The following PTPRK variants were observed in gnomAD, a reference collection of about 807,000 sequenced individuals.
PTPRK encodes receptor-type tyrosine-protein phosphatase kappa.
Under a neutral mutation model 178.0 loss-of-function variants are expected in PTPRK, and 75 were observed. That is an observed-to-expected ratio of 0.42 (90% CI 0.35 to 0.51). The LOEUF is 0.51. PTPRK is among the 20% of genes least tolerant of loss of function. The pLI is 0.02. For synonymous variants in PTPRK, 637 were observed against 620.6 expected, an observed-to-expected ratio of 1.03 and a Z score of -0.39; for missense variants, 1,441 against 1,797.8, an observed-to-expected ratio of 0.80 and a Z score of 3.59.
At chr6:128,301,378 A>C (rs150313381) in intron 3 of PTPRK, among the ~76,000 whole-genome samples, 51 of 152,254 alleles carry the variant, frequency 3.3e-4, no homozygotes, top group African/African-American at 1.1e-3. Context: ...TCTTTTAAAA[A>C]AAAATAATAG....
intron 1 of PTPRK, among the ~76,000 whole-genome samples, chr6:128,417,149 T>C (rs1158312382): frequency 1.3e-5 from 2 of 151,900 alleles, no homozygotes; most frequent in Admixed American, 6.6e-5. Context: ...CCTTGGAAAG[T>C]AATTCCTTTT....
At chr6:128,032,655 G>A (rs772379524) in intron 13 of PTPRK, among the ~76,000 whole-genome samples, 3 of 152,106 alleles carry the variant, frequency 2.0e-5, no homozygotes, top group Non-Finnish European at 2.9e-5. Context: ...TCTTTAAGAA[G>A]GATGAAAAGA....
At chr6:128,033,942 T>C (rs531520337) in intron 13 of PTPRK, among the ~76,000 whole-genome samples, 1 of 152,234 alleles carries the variant, frequency 6.6e-6, no homozygotes, top group Admixed American at 6.5e-5. Context: ...TTGGGTTTGA[T>C]TAGAGTCCTC....
intron 6 of PTPRK, among the ~76,000 whole-genome samples, chr6:128,209,083 C>T (rs1028309841): frequency 1.3e-5 from 2 of 151,902 alleles, no homozygotes; most frequent in Admixed American, 6.6e-5. Context: ...CATAACCACC[C>T]CCCCCAGGAA....
At chr6:128,005,285 G>A (rs567719175) in intron 14 of PTPRK, 41 bp from the exon 15 acceptor site, 1 of 1,601,384 alleles carries the variant, frequency 6.2e-7, no homozygotes, top group Admixed American at 1.7e-5. Flanking sequence ...AGTGTTTGAG[G>A]CTTGCAGGAG....
At chr6:128,406,104 T>TA (rs1362210658) in intron 1 of PTPRK, among the ~76,000 whole-genome samples, 4 of 150,400 alleles carry the variant, frequency 2.7e-5, no homozygotes, top group Admixed American at 6.6e-5. Flanking sequence ...AAAAAATAAA[T>TA]AAAAAAAAAT....
chr6:128,499,913 G>T (rs1054344934), intron 1 of PTPRK, among the ~76,000 whole-genome samples: 4 of 152,120 alleles, frequency 2.6e-5, no homozygotes, highest in African/African-American at 9.7e-5. Context: ...CCACCAAATG[G>T]GTGGTTACAT....
chr6:128,041,497 T>C (rs1173854520), intron 13 of PTPRK, among the ~76,000 whole-genome samples: 1 of 152,012 alleles, frequency 6.6e-6, no homozygotes, highest in South Asian at 2.1e-4. Context: ...CCAAACTGGA[T>C]TTTAATACTT....
chr6:128,487,961 T>C (rs1853209287), intron 1 of PTPRK, among the ~76,000 whole-genome samples: 1 of 152,112 alleles, frequency 6.6e-6, no homozygotes, highest in Admixed American at 6.5e-5. Context: ...AGGATAGTTG[T>C]ATATGTGAAG....
chr6:128,321,923 G>A (rs1356462858), intron 3 of PTPRK, 116 bp downstream of exon 3: 2 of 1,346,134 alleles, frequency 1.5e-6, no homozygotes, highest in African/African-American at 2.9e-5. Context: ...ATGGGGGTGG[G>A]GGAGGCAAGA....
intron 2 of PTPRK, among the ~76,000 whole-genome samples, chr6:128,331,666 G>A (rs9402034): frequency 0.97 from 147,775 of 152,168 alleles, 71,894 homozygotes; most frequent in East Asian, 1. Flanking sequence ...CTTCTAATGA[G>A]GTCTATCCCC....
At chr6:128,122,258 G>C (rs1001280741) in intron 7 of PTPRK, among the ~76,000 whole-genome samples, 2 of 152,140 alleles carry the variant, frequency 1.3e-5, no homozygotes, top group African/African-American at 4.8e-5. Context: ...CATGTATAGG[G>C]GTGGGGAGGA....
chr6:128,419,653 T>C (rs1843250136), intron 1 of PTPRK, among the ~76,000 whole-genome samples: 2 of 151,626 alleles, frequency 1.3e-5, no homozygotes, highest in Admixed American at 6.6e-5. Flanking sequence ...AGACAGAGAA[T>C]GGAAATTCAA....
chr6:128,338,733 C>G (rs779294581), intron 2 of PTPRK, among the ~76,000 whole-genome samples: 5 of 152,216 alleles, frequency 3.3e-5, no homozygotes, highest in Middle Eastern at 3.4e-3. Flanking sequence ...AATCAATGTT[C>G]TTATAGGTAT....
At chr6:128,368,793 C>T (rs889386526) in intron 2 of PTPRK, among the ~76,000 whole-genome samples, 9 of 152,092 alleles carry the variant, frequency 5.9e-5, no homozygotes, top group African/African-American at 1.9e-4. Flanking sequence ...TAGGTTTCTA[C>T]AGTACTCTCT....
At chr6:128,452,392 G>T (rs1847906007) in intron 1 of PTPRK, among the ~76,000 whole-genome samples, 1 of 152,034 alleles carries the variant, frequency 6.6e-6, no homozygotes, top group African/African-American at 2.4e-5. Flanking sequence ...CCTTCCAAAT[G>T]GGCTTTTAGG....
At chr6:128,030,879 C>T (rs186618261) in intron 13 of PTPRK, among the ~76,000 whole-genome samples, 7 of 152,092 alleles carry the variant, frequency 4.6e-5, no homozygotes, top group Non-Finnish European at 1.0e-4. Context: ...GAAATGGTTA[C>T]GAACATCTGA....
rs1858698777 is a variant in PTPRK at position 128,519,667 on chromosome 6, T to G, written c.100+592A>C. ...GCTCCGCCAACACACACACAGAACATGCTCCAAGCAGTGCCCGAGCGCACA... is the reference window on the plus strand; with the variant it reads ...GCTCCGCCAACACACACACAGAACAGGCTCCAAGCAGTGCCCGAGCGCACA... On this transcript the variant is annotated intron_variant, in intron 1 of 29. Transcript: ENST00000368226. This position sits in a 1 kb window ranked among gnomAD's most constrained non-coding sequence, Gnocchi z 4.3. Among the ~76,000 whole-genome samples, 2 of 152,046 alleles carry G rather than the reference T, an allele frequency of 1.3e-5. No individual in the cohort carries two copies. The highest frequency in any genetic ancestry group is 2.9e-5 in the Non-Finnish European group (2 of 68,018).
intron 2 of PTPRK, among the ~76,000 whole-genome samples, chr6:128,332,865 A>AAC (rs951163835): frequency 5.9e-5 from 9 of 152,270 alleles, no homozygotes; most frequent in African/African-American, 2.2e-4. Flanking sequence ...CACTCCAAGA[A>AAC]ACACACACAC....
Sources: allele counts gnomAD v4.1 joint callset (sites outside exome capture counted in the v4.1 genomes callset), GRCh38; gene constraint gnomAD v4.1.1; non-coding constraint Gnocchi (gnomAD v3.1); transcripts MANE v1.5; gene names NCBI Gene and HGNC (gene_info 2026-07-23, HGNC 2026-07-21).